Variants in VLDLR observed in about 807,000 individuals in gnomAD.
VLDLR encodes the protein very low density lipoprotein receptor.
A neutral mutation model predicts 112.7 loss-of-function variants in VLDLR; 81 were observed. That is an observed-to-expected ratio of 0.72 (90% CI 0.60 to 0.86). The LOEUF is 0.86. Among genes scored for constraint, VLDLR ranks in the 40% least tolerant of loss-of-function variants. The pLI, the probability that VLDLR is intolerant of heterozygous loss-of-function variation, is 0.00. For synonymous variants in VLDLR, 436 were observed against 384.8 expected (o/e 1.13, Z -1.56); for missense variants, 1,237 against 1,099.4 (o/e 1.13, Z -1.77).
At chr9:2,627,647 G>C (rs181322751) in intron 1 of VLDLR, among the ~76,000 whole-genome samples, 1 of 151,996 alleles carries the variant, frequency 6.6e-6, no homozygotes, top group Non-Finnish European at 1.5e-5. Context: ...GGCAGATCAC[G>C]AGGTCAGGAG....
intron 4 of VLDLR, among the ~76,000 whole-genome samples, chr9:2,642,420 T>C (rs1477489113): frequency 6.6e-6 from 1 of 152,224 alleles, no homozygotes; most frequent in Non-Finnish European, 1.5e-5. Flanking sequence ...GTTTTCTGTA[T>C]TGGTAAGCCC....
chr9:2,633,548 T>C (rs10812379), intron 1 of VLDLR, among the ~76,000 whole-genome samples: 48,905 of 151,988 alleles, frequency 0.32, 8,445 homozygotes, highest in African/African-American at 0.43. Context: ...TCCATTTTGA[T>C]TATGTAGATA....
chr9:2,648,450 C>T, intron 13 of VLDLR, 103 bp downstream of exon 13: 1 of 1,571,276 alleles, frequency 6.4e-7, no homozygotes, highest in Non-Finnish European at 8.7e-7. Context: ...CTGAACATGG[C>T]TTGAGAAACT....
At position 2,646,548 on chromosome 9, in the gene VLDLR, T is replaced by A; in HGVS notation, c.1699T>A (p.Ser567Thr). Reference sequence around the variant, plus strand: ...TGCCTCCATAGCTGTGGACCCACTGTCTGGGTTTGTAGTCTGTTTTCCATC... The same window carrying A: ...TGCCTCCATAGCTGTGGACCCACTGACTGGGTTTGTAGTCTGTTTTCCATC... ...EPASIAVDPL[S>T]GFVYWSDWGE... The change falls in exon 11 of 19, where the codon TCT (serine) becomes ACT (threonine). Residue 567 changes from serine to threonine, a missense_variant. By Grantham distance (58) the Ser-to-Thr change is moderately conservative. Transcript: ENST00000382100. 1 of 1,614,098 alleles carries A rather than the reference T, an allele frequency of 6.2e-7. No individual in the cohort carries two copies. The highest frequency in any genetic ancestry group is 8.5e-7 in the Non-Finnish European group (1 of 1,179,974).
intron 1 of VLDLR, among the ~76,000 whole-genome samples, chr9:2,633,371 GA>G (rs1054097130): frequency 6.6e-6 from 1 of 152,026 alleles, no homozygotes; most frequent in Non-Finnish European, 1.5e-5. Context: ...TCAGCCTTGG[GA>G]TACTGTATGC....
At position 2,639,905 on chromosome 9, in the gene VLDLR, G is replaced by T. The variant is rs1159643333; in HGVS notation, c.249G>T (p.Gln83His). 3.1e-6 allele frequency: 5 copies of T among 1,614,084 alleles called. No homozygotes were observed. The African/African-American group carries it at 4.0e-5, about 13-fold the overall frequency. ...CTGACTTCGTGTGCAACAATGGCCA[G>T]TGTGTTCCCAGCCGATGGAAGTGTG... Reference protein sequence around the residue: ...AESDFVCNNGQCVPSRWKCDG... With the variant: ...AESDFVCNNGHCVPSRWKCDG... The change falls in exon 3 of 19, where the codon CAG becomes CAT. Residue 83 changes from glutamine (Q) to histidine (H), a missense_variant. Gln to His is a conservative substitution (Grantham distance 24). Coordinates refer to ENST00000382100, the MANE Select transcript of VLDLR (RefSeq NM_003383.5).
chr9:2,651,977 T>A (rs759746224), intron 17 of VLDLR, 23 bp downstream of exon 17: 1 of 1,612,924 alleles, frequency 6.2e-7, no homozygotes, highest in South Asian at 1.1e-5. Context: ...CCTACAAGTC[T>A]GGGTTCAAGA....
At chr9:2,650,673 A>C (rs1380671049) in intron 15 of VLDLR, among the ~76,000 whole-genome samples, 157 bp downstream of exon 15, 3 of 152,226 alleles carry the variant, frequency 2.0e-5, no homozygotes, top group African/African-American at 7.2e-5. Context: ...TCATTTCTTT[A>C]GAACTGACTT....
intron 2 of VLDLR, among the ~76,000 whole-genome samples, chr9:2,638,910 C>T (rs914188304): frequency 6.6e-6 from 1 of 151,198 alleles, no homozygotes; most frequent in Non-Finnish European, 1.5e-5. Context: ...CTAAAATCTT[C>T]TCTCCCTTGA....
At chr9:2,650,927 T>G (rs1310971202) in intron 15 of VLDLR, among the ~76,000 whole-genome samples, 1 of 152,124 alleles carries the variant, frequency 6.6e-6, no homozygotes, top group African/African-American at 2.4e-5. Flanking sequence ...TGAATTTGCA[T>G]TTAGTCTTCT....
intron 9 of VLDLR, 49 bp from the exon 10 acceptor site, chr9:2,645,525 C>T (rs768484750): frequency 6.2e-7 from 1 of 1,610,408 alleles, no homozygotes; most frequent in South Asian, 1.1e-5. Flanking sequence ...TTTAGAAAGA[C>T]CTTGCCTTCT....
chr9:2,628,234 C>G (rs1037512530), intron 1 of VLDLR, among the ~76,000 whole-genome samples: 1 of 152,236 alleles, frequency 6.6e-6, no homozygotes, highest in East Asian at 1.9e-4. Context: ...GGTGATGGCT[C>G]TGTGACAGGG....
chr9:2,649,346 A>AT (rs1441513823), intron 14 of VLDLR, among the ~76,000 whole-genome samples: 1 of 152,000 alleles, frequency 6.6e-6, no homozygotes, highest in African/African-American at 2.4e-5. Flanking sequence ...GTCTCTTCAC[A>AT]TCATCGTCCC....
chr9:2,628,022 G>GT (rs1170139025), intron 1 of VLDLR, among the ~76,000 whole-genome samples: 1 of 152,094 alleles, frequency 6.6e-6, no homozygotes, highest in African/African-American at 2.4e-5. Context: ...TGGGGGAAAT[G>GT]TTTTTGACAA....
chr9:2,642,348 C>T (rs908361338), intron 4 of VLDLR, among the ~76,000 whole-genome samples: 4 of 152,126 alleles, frequency 2.6e-5, no homozygotes, highest in Admixed American at 1.3e-4. Context: ...TAGAAGTCGC[C>T]TCCTGAGGTC....
At chr9:2,630,220 C>T (rs1174128575) in intron 1 of VLDLR, among the ~76,000 whole-genome samples, 5 of 152,286 alleles carry the variant, frequency 3.3e-5, no homozygotes, top group East Asian at 1.9e-4. Flanking sequence ...CCCTTCTCCC[C>T]TTAGGAAAAC....
At chr9:2,627,890 A>G (rs1016911738) in intron 1 of VLDLR, among the ~76,000 whole-genome samples, 3 of 151,936 alleles carry the variant, frequency 2.0e-5, no homozygotes, top group African/African-American at 7.3e-5. Flanking sequence ...AAATTGCTAC[A>G]AAGATGAGGT....
chr9:2,633,054 G>GTC (rs1817437848), intron 1 of VLDLR, among the ~76,000 whole-genome samples: 1 of 88,454 alleles, frequency 1.1e-5, no homozygotes, highest in African/African-American at 3.8e-5. Context: ...GAGAGAGAGT[G>GTC]TGTGTGTGTG....
chr9:2,640,716 G>A (rs1257751017), intron 3 of VLDLR, among the ~76,000 whole-genome samples: 1 of 152,176 alleles, frequency 6.6e-6, no homozygotes, highest in Non-Finnish European at 1.5e-5. Flanking sequence ...GTGTGATTAT[G>A]AAAGAAAATC....
Sources: allele counts gnomAD v4.1 joint callset (sites outside exome capture counted in the v4.1 genomes callset), GRCh38; gene constraint gnomAD v4.1.1; transcripts MANE v1.5; gene names NCBI Gene and HGNC (gene_info 2026-07-23, HGNC 2026-07-21).